Variants in MTBP observed in about 807,000 individuals in gnomAD.
MTBP encodes mdm2-binding protein.
A neutral mutation model predicts 117.0 loss-of-function variants in MTBP; 101 were observed. That is an observed-to-expected ratio of 0.86 (90% confidence interval 0.73 to 1.02). The LOEUF is 1.02. MTBP is among the 50% of genes least tolerant of loss of function. MTBP has a pLI of 0.00. For missense variants in MTBP, 970 were observed against 1,030.9 expected (o/e 0.94, Z 0.81); for synonymous variants, 350 against 351.5 (o/e 1.00, Z 0.05).
At position 120,470,854 on chromosome 8, in the gene MTBP, G is replaced by A; in HGVS notation, c.1082G>A (p.Ser361Asn). 1 of 1,611,756 alleles carries A rather than the reference G, an allele frequency of 6.2e-7. No individual in the cohort carries two copies. Among genetic ancestry groups the A allele is most frequent in the Non-Finnish European group, 8.5e-7 (1 of 1,178,358 alleles). Residue 361 changes from serine (S) to asparagine (N), a missense_variant, in exon 11 of 22, where the codon AGT (serine) becomes AAT (asparagine). Transcript: ENST00000305949. ...CTTTTTGTATTGCCATGTACCATTA[G>A]TAACATACTGATTCCACCTCCCAAC... ...GALFVLPCTI[S>N]NILIPPPNQL...
At position 120,480,013 on chromosome 8, in the gene MTBP, A is replaced by T. The variant is rs146799230; in HGVS notation, c.1166-8146A>T. Among the ~76,000 whole-genome samples, 172 of 152,262 alleles carry T rather than the reference A, an allele frequency of 1.1e-3. 1 individual carries two copies. The highest frequency in any genetic ancestry group is 4.0e-3 in the African/African-American group (168 of 41,572). On this transcript the variant is annotated intron_variant, in intron 11 of 21. Coordinates refer to ENST00000305949, the MANE Select transcript of MTBP (RefSeq NM_022045.5). ...GAATGTCTACCAAAAGAAGTAAAAG[A>T]AGTACACTGAAAACCCCAAAACATT...
At chr8:120,502,646 C>A in intron 15 of MTBP, 37 bp downstream of exon 15, 1 of 1,226,200 alleles carries the variant, frequency 8.2e-7, no homozygotes, top group South Asian at 1.4e-5. Flanking sequence ...TGTGATAGCT[C>A]AGTAATTTGA....
intron 19 of MTBP, 118 bp from the exon 20 acceptor site, chr8:120,518,586 G>T (rs1814961332): frequency 5.0e-6 from 3 of 595,078 alleles, no homozygotes; most frequent in African/African-American, 1.9e-5. Flanking sequence ...TAATGAACCT[G>T]TCTGTCTTTT....
Position 120,510,046 on chromosome 8 carries a change from A to G in MTBP, c.1979+17A>G, listed in dbSNP as rs887246356. ...TGGAATTGAGTAAGTTTTTATTTGT[A>G]CTTTACTCTTCTGTATGTTGTTGAT... is the stretch of plus-strand genomic sequence containing the variant. On this transcript the variant is annotated intron_variant, in intron 17 of 21. Coordinates refer to ENST00000305949, the MANE Select transcript of MTBP (RefSeq NM_022045.5). 10 of 1,535,134 alleles carry G rather than the reference A, an allele frequency of 6.5e-6. No individual in the cohort carries two copies. The Admixed American group carries it at 1.2e-4, about 18-fold the overall frequency.
In MTBP at chr8:120,470,887, G is replaced by C. The variant is rs202053212; in HGVS notation, c.1115G>C (p.Ser372Thr). 179 of 1,612,344 alleles carry C rather than the reference G, an allele frequency of 1.1e-4. 1 individual carries two copies. In the Middle Eastern group the frequency reaches 1.3e-3, roughly 12 times the overall value. Reference protein sequence around the residue: ...NILIPPPNQLSSRKWKEYIAK... With the variant: ...NILIPPPNQLTSRKWKEYIAK... ...CTGATTCCACCTCCCAACCAACTCA[G>C]TTCAAGAAAATGGAAGGAATATATA... is the stretch of plus-strand genomic sequence containing the variant. Residue 372 changes from serine to threonine, a missense_variant, in exon 11 of 22, where the codon AGT becomes ACT. Transcript: ENST00000305949.
intron 11 of MTBP, among the ~76,000 whole-genome samples, chr8:120,474,807 A>G (rs12386936): frequency 0.27 from 40,265 of 151,792 alleles, 6,573 homozygotes; most frequent in Non-Finnish European, 0.37. Context: ...ACACTGTACC[A>G]CAGAAAATAG....
chr8:120,459,306 C>T lies in MTBP; in HGVS notation c.839C>T (p.Ala280Val). The stretch of plus-strand genomic sequence containing the variant: ...TCTAATTTAAATACTGACTTCCTTG[C>T]CAAAAAGATCATACCATCAAAGGAT... ...STSNLNTDFLAKKIIPSKDKN... is the reference protein window; with the variant it reads ...STSNLNTDFLVKKIIPSKDKN... Residue 280 changes from alanine to valine, a missense_variant, in exon 8 of 22, where the codon GCC becomes GTC. Physicochemically the swap from Ala to Val is moderately conservative, Grantham distance 64. Transcript: ENST00000305949. 6.2e-7 allele frequency: 1 copy of T among 1,611,390 alleles called. No individual in the cohort carries two copies. Among genetic ancestry groups the T allele is most frequent in the Middle Eastern group, 1.7e-4 (1 of 6,048 alleles).
At position 120,461,211 on chromosome 8, in the gene MTBP, A is replaced by T. The variant is rs747740340; in HGVS notation, c.933A>T (p.Leu311Phe). The change falls in exon 9 of 22, where the codon TTA (leucine) becomes TTT (phenylalanine). Residue 311 changes from leucine to phenylalanine, a missense_variant. By Grantham distance (22) the Leu-to-Phe change is conservative. Transcript: ENST00000305949. ...PALEFVQMIKLSDLPSCYMSD... is the reference protein window; with the variant it reads ...PALEFVQMIKFSDLPSCYMSD... ...TAGAATTTGTGCAGATGATAAAATTATCAGATCTACCCTCCTGCTATATGT... is the reference window on the plus strand; with the variant it reads ...TAGAATTTGTGCAGATGATAAAATTTTCAGATCTACCCTCCTGCTATATGT... 4.4e-6 allele frequency: 7 copies of T among 1,606,686 alleles called. No individual in the cohort carries two copies. The Admixed American group carries it at 1.2e-4, about 27-fold the overall frequency.
At chr8:120,517,550 T>C (rs541892438) in intron 18 of MTBP, among the ~76,000 whole-genome samples, 8 of 152,150 alleles carry the variant, frequency 5.3e-5, no homozygotes, top group East Asian at 3.9e-4. Flanking sequence ...GTTTATTGCT[T>C]ACTTAAGGCA....
At chr8:120,478,634 CAATT>C (rs982996726) in intron 11 of MTBP, among the ~76,000 whole-genome samples, 3 of 152,108 alleles carry the variant, frequency 2.0e-5, no homozygotes, top group Non-Finnish European at 4.4e-5. Context: ...TGTTGACTAA[CAATT>C]CTTCTAATAA....
chr8:120,459,177 A>G (rs936549212), intron 7 of MTBP, 38 bp from the exon 8 acceptor site: 10 of 1,554,558 alleles, frequency 6.4e-6, no homozygotes, highest in East Asian at 2.3e-5. Context: ...AGCATTATTC[A>G]TGATACTTGT....
At chr8:120,498,228 A>G (rs751079852) in intron 14 of MTBP, among the ~76,000 whole-genome samples, 2 of 152,146 alleles carry the variant, frequency 1.3e-5, no homozygotes, top group Admixed American at 6.6e-5. Context: ...CCCACTTACT[A>G]GGATTATTGT....
chr8:120,452,993 A>G (rs1813390736), intron 4 of MTBP, among the ~76,000 whole-genome samples: 1 of 152,202 alleles, frequency 6.6e-6, no homozygotes, highest in African/African-American at 2.4e-5. Context: ...TTTATGCTAT[A>G]TAATAAACTT....
At chr8:120,484,722 A>C (rs1586956403) in intron 11 of MTBP, among the ~76,000 whole-genome samples, 1 of 152,300 alleles carries the variant, frequency 6.6e-6, no homozygotes, top group African/African-American at 2.4e-5. Context: ...ATAATCACAG[A>C]ATTGTGCAAC....
In MTBP at chr8:120,492,668, A is replaced by C. The variant is rs953787280; in HGVS notation, c.1447+2098A>C. Among the ~76,000 whole-genome samples the C allele has an allele frequency of 4.6e-5, 7 of 152,314 alleles. No individual in the cohort carries two copies. The South Asian group carries it at 8.3e-4, about 18-fold the overall frequency. ...CTAAATTAGAAAGAATAGCTAGAAA[A>C]ATTTGCACAAAAATTTACTCAAAAA... On this transcript the variant is annotated intron_variant, in intron 13 of 21. Coordinates refer to ENST00000305949, the MANE Select transcript of MTBP (RefSeq NM_022045.5).
At chr8:120,466,639 G>A (rs1047677606) in intron 10 of MTBP, among the ~76,000 whole-genome samples, 3 of 151,800 alleles carry the variant, frequency 2.0e-5, no homozygotes, top group East Asian at 2.0e-4. Flanking sequence ...TTGGGAGGCC[G>A]AGGCAGGTGG....
At chr8:120,460,800 A>G (rs1813567337) in intron 8 of MTBP, among the ~76,000 whole-genome samples, 1 of 152,110 alleles carries the variant, frequency 6.6e-6, no homozygotes, top group Non-Finnish European at 1.5e-5. Flanking sequence ...CTGCAGAGGT[A>G]GGTTGCTAAT....
chr8:120,446,649 G>C (rs6985660), intron 2 of MTBP, 136 bp downstream of exon 2: 1 of 565,940 alleles, frequency 1.8e-6, no homozygotes, highest in Non-Finnish European at 3.2e-6. Context: ...GATAACTAAG[G>C]GAGTACAAAA....
Position 120,497,386 on chromosome 8 carries a change from C to T in MTBP, c.1448-7C>T. On this transcript the variant is annotated splice_polypyrimidine_tract_variant and splice_region_variant and intron_variant, in intron 13 of 21. Transcript: ENST00000305949. ...AAATAAGTCAATTGTATTGATTTGT[C>T]TTATAGAAAGACGAAAGTTGGCAAA... 1 of 1,600,132 alleles carries T rather than the reference C, an allele frequency of 6.2e-7. No individual in the cohort carries two copies. Among genetic ancestry groups the T allele is most frequent in the South Asian group, 1.2e-5 (1 of 86,570 alleles).
Sources: allele counts gnomAD v4.1 joint callset (sites outside exome capture counted in the v4.1 genomes callset), GRCh38; gene constraint gnomAD v4.1.1; transcripts MANE v1.5; gene names NCBI Gene and HGNC (gene_info 2026-07-23, HGNC 2026-07-21).